Variants in LRMDA observed in about 807,000 individuals in gnomAD.
LRMDA encodes leucine rich melanocyte differentiation associated.
Under a neutral mutation model 29.8 loss-of-function variants are expected in LRMDA, and 18 were observed. The observed-to-expected ratio is 0.60, with a 90% CI of 0.42 to 0.90. The LOEUF is 0.90. Ranked by LOEUF, LRMDA falls within the 40% of genes least tolerant of loss-of-function variation. LRMDA has a pLI of 0.00. For synonymous variants in LRMDA, 125 were observed against 109.4 expected (o/e 1.14, Z -0.89); for missense variants, 273 against 273.9 (o/e 1.00, Z 0.02).
At chr10:76,137,772 C>CAAAAAAA (rs36038656) in intron 5 of LRMDA, among the ~76,000 whole-genome samples, 1 of 122,180 alleles carries the variant, frequency 8.2e-6, no homozygotes, top group Non-Finnish European at 1.7e-5. Context: ...GTCCCTATGG[C>CAAAAAAA]AAAAAAAAAA....
At chr10:75,610,860 G>C (rs1228342621) in intron 2 of LRMDA, among the ~76,000 whole-genome samples, 2 of 152,116 alleles carry the variant, frequency 1.3e-5, no homozygotes, top group African/African-American at 4.8e-5. Flanking sequence ...GCCCAACGTA[G>C]GCTAAATTTT....
intron 5 of LRMDA, among the ~76,000 whole-genome samples, chr10:76,169,012 T>G (rs1304064405): frequency 6.6e-6 from 1 of 152,104 alleles, no homozygotes; most frequent in Non-Finnish European, 1.5e-5. Context: ...AAGGACATTC[T>G]AGGAGGGAAA....
At chr10:76,269,574 A>G (rs576817632) in intron 5 of LRMDA, among the ~76,000 whole-genome samples, 2 of 152,162 alleles carry the variant, frequency 1.3e-5, no homozygotes, top group Non-Finnish European at 2.9e-5. Flanking sequence ...TATGTTTTGA[A>G]TGAAAAAATT....
At chr10:76,304,436 G>A (rs1840523826) in intron 5 of LRMDA, among the ~76,000 whole-genome samples, 1 of 152,160 alleles carries the variant, frequency 6.6e-6, no homozygotes, top group African/African-American at 2.4e-5. Context: ...TTTCACATAC[G>A]AGAAATCAAC....
intron 2 of LRMDA, among the ~76,000 whole-genome samples, chr10:75,441,038 A>T (rs1202938315): frequency 6.6e-6 from 1 of 152,142 alleles, no homozygotes; most frequent in Non-Finnish European, 1.5e-5. Flanking sequence ...ACTGTCTCAA[A>T]AAAGAAAGAA....
chr10:76,413,949 C>T (rs1362108296), intron 6 of LRMDA, among the ~76,000 whole-genome samples: 1 of 152,170 alleles, frequency 6.6e-6, no homozygotes, highest in African/African-American at 2.4e-5. Context: ...TACAATTTTG[C>T]AAACAAGGAC....
intron 5 of LRMDA, among the ~76,000 whole-genome samples, chr10:76,315,065 T>C (rs1840674911): frequency 1.3e-5 from 2 of 152,242 alleles, no homozygotes; most frequent in Admixed American, 1.3e-4. Flanking sequence ...GGATTCAGGC[T>C]ATGGAATCGA....
At chr10:75,617,508 G>A (rs562504463) in intron 2 of LRMDA, among the ~76,000 whole-genome samples, 2 of 152,234 alleles carry the variant, frequency 1.3e-5, no homozygotes, top group African/African-American at 4.8e-5. Flanking sequence ...CTTTTATTAT[G>A]CTGCTCTCCT....
At chr10:75,888,281 C>A (rs776409842) in intron 2 of LRMDA, among the ~76,000 whole-genome samples, 1 of 152,112 alleles carries the variant, frequency 6.6e-6, no homozygotes, top group Non-Finnish European at 1.5e-5. Context: ...TGACACTCTC[C>A]GCGTATGATG....
chr10:76,200,407 C>G, intron 5 of LRMDA, among the ~76,000 whole-genome samples: 1 of 152,140 alleles, frequency 6.6e-6, no homozygotes, highest in Non-Finnish European at 1.5e-5. Flanking sequence ...CCTTTCATGT[C>G]TACTTTTTGC....
chr10:76,045,813 T>G (rs780729920), intron 3 of LRMDA, among the ~76,000 whole-genome samples: 3 of 152,184 alleles, frequency 2.0e-5, no homozygotes, highest in Non-Finnish European at 4.4e-5. Context: ...GAATGTGCTA[T>G]GTCGTGGTGA....
At chr10:75,472,941 G>A (rs1340972244) in intron 2 of LRMDA, among the ~76,000 whole-genome samples, 1 of 152,252 alleles carries the variant, frequency 6.6e-6, no homozygotes, top group Non-Finnish European at 1.5e-5. Context: ...TCAGGGTTCA[G>A]AGGGCTTTGG....
intron 5 of LRMDA, among the ~76,000 whole-genome samples, chr10:76,175,762 A>G (rs1437188020): frequency 6.6e-6 from 1 of 152,184 alleles, no homozygotes; most frequent in Non-Finnish European, 1.5e-5. Flanking sequence ...CCCTGCAAAC[A>G]ATCTATCTCG....
chr10:76,350,295 A>G (rs1841159710), intron 6 of LRMDA, among the ~76,000 whole-genome samples: 1 of 152,166 alleles, frequency 6.6e-6, no homozygotes, highest in Admixed American at 6.6e-5. Flanking sequence ...CATATGTTAT[A>G]TTTGTTCCTT....
intron 2 of LRMDA, among the ~76,000 whole-genome samples, chr10:75,573,182 T>C (rs1290421290): frequency 6.6e-6 from 1 of 152,246 alleles, no homozygotes; most frequent in Admixed American, 6.5e-5. Context: ...CCTTTGAGGA[T>C]AATCTTTTCT....
At chr10:75,979,839 C>T (rs560134358) in intron 2 of LRMDA, among the ~76,000 whole-genome samples, 2 of 152,232 alleles carry the variant, frequency 1.3e-5, no homozygotes, top group East Asian at 1.9e-4. Context: ...CTGCAGGACA[C>T]AACAGGCAAA....
intron 5 of LRMDA, among the ~76,000 whole-genome samples, chr10:76,117,124 G>C (rs550331848): frequency 6.6e-6 from 1 of 152,166 alleles, no homozygotes; most frequent in Non-Finnish European, 1.5e-5. Flanking sequence ...CTTGCAGTAG[G>C]ATTTTATCCA....
At chr10:75,558,155 ATTTTT>A (rs11292875) in intron 2 of LRMDA, among the ~76,000 whole-genome samples, 1 of 132,398 alleles carries the variant, frequency 7.6e-6, no homozygotes, top group Non-Finnish European at 1.6e-5. Flanking sequence ...CAGTGGTATG[ATTTTT>A]TTTTTTTTTT....
chr10:76,252,110 C>T (rs1286964842), intron 5 of LRMDA, among the ~76,000 whole-genome samples: 2 of 152,140 alleles, frequency 1.3e-5, no homozygotes, highest in Admixed American at 6.5e-5. Context: ...ATACCCCCAA[C>T]GCTTCCTGCT....
Sources: gnomAD v4.1 joint callset for allele counts (sites outside exome capture counted in the v4.1 genomes callset) on GRCh38, gnomAD v4.1.1 for gene constraint, MANE v1.5 for transcripts, NCBI Gene and HGNC (gene_info 2026-07-23, HGNC 2026-07-21) for gene names.